Variants in CHST11 observed in about 807,000 individuals in gnomAD.
CHST11 encodes carbohydrate sulfotransferase 11.
CHST11 carries 9 observed loss-of-function variants against 30.4 expected under a neutral mutation model. That is an observed-to-expected ratio of 0.30 (90% confidence interval 0.18 to 0.52). The LOEUF is 0.52. CHST11 is among the 20% of genes least tolerant of loss of function. CHST11 has a pLI of 0.97. For missense variants in CHST11, 348 were observed against 460.6 expected (o/e 0.76, Z 2.24); for synonymous variants, 152 against 187.8 (o/e 0.81, Z 1.56).
At chr12:104,537,108 G>C (rs181280818) in intron 1 of CHST11, among the ~76,000 whole-genome samples, 7 of 152,334 alleles carry the variant, frequency 4.6e-5, no homozygotes, top group Admixed American at 6.5e-5. Context: ...GAACAAAAAG[G>C]GGTAGTTGCT....
At chr12:104,581,544 C>A (rs2038743949) in intron 1 of CHST11, among the ~76,000 whole-genome samples, 1 of 152,094 alleles carries the variant, frequency 6.6e-6, no homozygotes, top group Non-Finnish European at 1.5e-5. Flanking sequence ...TGACTGGAAA[C>A]CGTTGATTTA....
intron 2 of CHST11, among the ~76,000 whole-genome samples, chr12:104,617,400 A>C (rs61938600): frequency 1.3e-5 from 2 of 152,150 alleles, no homozygotes; most frequent in Admixed American, 1.3e-4. Context: ...CCTTCAAAAG[A>C]CATTTTTAGG....
At chr12:104,557,452 G>C (rs1240349306) in intron 1 of CHST11, among the ~76,000 whole-genome samples, 2 of 152,114 alleles carry the variant, frequency 1.3e-5, no homozygotes, top group African/African-American at 4.8e-5. Flanking sequence ...CAGAGTGCAT[G>C]GTGAGCATTG....
intron 1 of CHST11, among the ~76,000 whole-genome samples, chr12:104,593,555 C>T (rs529768580): frequency 6.6e-5 from 10 of 152,170 alleles, no homozygotes; most frequent in East Asian, 1.9e-4. Context: ...GGGAGGATAT[C>T]GGGTCAACAT....
chr12:104,528,255 C>T (rs534231139), intron 1 of CHST11, among the ~76,000 whole-genome samples: 6 of 152,146 alleles, frequency 3.9e-5, no homozygotes, highest in Non-Finnish European at 8.8e-5. Flanking sequence ...TTCAGGTAAG[C>T]GTATTTTCAA....
intron 2 of CHST11, among the ~76,000 whole-genome samples, chr12:104,740,080 A>C (rs556965619): frequency 6.6e-6 from 1 of 152,244 alleles, no homozygotes; most frequent in East Asian, 1.9e-4. Context: ...CAATGTATTT[A>C]GTTTCTACCA....
At chr12:104,492,626 C>T (rs941859537) in intron 1 of CHST11, among the ~76,000 whole-genome samples, 1 of 152,150 alleles carries the variant, frequency 6.6e-6, no homozygotes, top group African/African-American at 2.4e-5. Context: ...AATAGGATCC[C>T]TTTTTAAGAT....
chr12:104,476,571 G>GT (rs1003491801), intron 1 of CHST11, among the ~76,000 whole-genome samples: 4 of 151,484 alleles, frequency 2.6e-5, no homozygotes, highest in South Asian at 2.1e-4. Flanking sequence ...AAAAAATGCC[G>GT]TTTTTTTTGT....
intron 2 of CHST11, among the ~76,000 whole-genome samples, chr12:104,700,298 A>G (rs1205869495): frequency 1.3e-5 from 2 of 152,246 alleles, no homozygotes; most frequent in Admixed American, 1.3e-4. Flanking sequence ...TTTTTAAACT[A>G]CCAAAAATAA....
chr12:104,669,185 A>G (rs2039668173), intron 2 of CHST11, among the ~76,000 whole-genome samples: 1 of 152,028 alleles, frequency 6.6e-6, no homozygotes, highest in African/African-American at 2.4e-5. Flanking sequence ...GGGCAGCCAG[A>G]GCGTTTTTCC....
chr12:104,753,977 T>G (rs1273231113), intron 2 of CHST11, among the ~76,000 whole-genome samples: 1 of 152,174 alleles, frequency 6.6e-6, no homozygotes, highest in Non-Finnish European at 1.5e-5. Context: ...CATAATAACA[T>G]GCAAACTGGA....
At chr12:104,538,503 G>T (rs945210018) in intron 1 of CHST11, among the ~76,000 whole-genome samples, 4 of 152,168 alleles carry the variant, frequency 2.6e-5, no homozygotes, top group Admixed American at 6.5e-5. Flanking sequence ...CTTTGGGAGA[G>T]AGTCATTATA....
chr12:104,623,494 T>C (rs550056322), intron 2 of CHST11, among the ~76,000 whole-genome samples: 1 of 152,306 alleles, frequency 6.6e-6, no homozygotes, highest in African/African-American at 2.4e-5. Flanking sequence ...GTGGATCACC[T>C]GAGGCTGGGA....
chr12:104,466,625 G>A lies in CHST11; in HGVS notation c.118+9096G>A, dbSNP rs528316031. On this transcript the variant is annotated intron_variant, in intron 1 of 2. Coordinates refer to ENST00000303694, the MANE Select transcript of CHST11 (RefSeq NM_018413.6). ...GCTTCAAAGAAGCCTGGGAAATACA[G>A]CTTTTCAATTACCAGCCTCTGCAGG... Among the ~76,000 whole-genome samples, 148 of 152,302 alleles carry A rather than the reference G, an allele frequency of 9.7e-4. 2 individuals are homozygous for A. Among genetic ancestry groups the A allele is most frequent in the Non-Finnish European group, 1.1e-3 (78 of 68,028 alleles).
intron 1 of CHST11, among the ~76,000 whole-genome samples, chr12:104,563,878 G>A (rs780954828): frequency 1.3e-5 from 2 of 151,892 alleles, no homozygotes; most frequent in African/African-American, 4.8e-5. Context: ...GGTGGGGAGC[G>A]TTTCTCAGTT....
chr12:104,733,418 C>T (rs1336594697), intron 2 of CHST11, among the ~76,000 whole-genome samples: 1 of 152,204 alleles, frequency 6.6e-6, no homozygotes, highest in Non-Finnish European at 1.5e-5. Flanking sequence ...CTGGGGGCAC[C>T]TTTAAACCCA....
At position 104,518,974 on chromosome 12, in the gene CHST11, CTTT is replaced by C. The variant is rs5800625; in HGVS notation, c.118+61458_118+61460del. On this transcript the variant is annotated intron_variant, in intron 1 of 2. Transcript: ENST00000303694. ...ATCTTTTCTTTTTCTTTTTTTCTTTCTTTTTTTTTTTTTTTAACTCTTTCTTCT... is the reference window on the plus strand; with the variant it reads ...ATCTTTTCTTTTTCTTTTTTTCTTTCTTTTTTTTTTTTAACTCTTTCTTCT... Among the ~76,000 whole-genome samples the C allele has an allele frequency of 3.3e-3, 439 of 132,426 alleles. 4 individuals are homozygous for C. Among genetic ancestry groups the C allele is most frequent in the African/African-American group, 0.011 (394 of 35,128 alleles). 86.9% of individuals were successfully genotyped at this position (132,426 alleles called of 152,430 possible).
intron 1 of CHST11, among the ~76,000 whole-genome samples, chr12:104,488,280 G>T (rs1045318273): frequency 6.6e-6 from 1 of 152,174 alleles, no homozygotes; most frequent in African/African-American, 2.4e-5. Flanking sequence ...TGCTGTGGAG[G>T]GTGAGGAGGT....
rs1270071640 is a variant in CHST11, at chr12:104,457,146, C to T, written c.-266C>T. On this transcript the variant is annotated 5_prime_UTR_variant, in exon 1 of 3. Transcript: ENST00000303694. ...CGGCCGCCGGCGGGATCGGAGGAGG[C>T]GGCGGAGCGGCGAGGAGGAGGAGCA... 2 of 281,554 alleles carry T rather than the reference C, an allele frequency of 7.1e-6. No individual in the cohort carries two copies. Among genetic ancestry groups the T allele is most frequent in the Non-Finnish European group, 1.3e-5 (2 of 151,664 alleles). The allele number at this position is 281,554 out of a possible 1,614,324, so 17.4% of individuals were successfully genotyped here. A position where few individuals can be genotyped will look rare whatever the true frequency, so the allele number is the denominator to read the frequency against.
Sources: gnomAD v4.1 joint callset for allele counts (sites outside exome capture counted in the v4.1 genomes callset) on GRCh38, gnomAD v4.1.1 for gene constraint, MANE v1.5 for transcripts, NCBI Gene and HGNC (gene_info 2026-07-23, HGNC 2026-07-21) for gene names.